DRC11: variants seen among roughly 807,000 people sequenced by gnomAD.
DRC11 encodes the protein IQ and AAA domain-containing protein 1.
the DRC11 span, among the ~76,000 whole-genome samples, chr2:236,382,013 T>C: frequency 6.6e-6 from 1 of 152,218 alleles, no homozygotes; most frequent in Non-Finnish European, 1.5e-5. Context: ...AAAAATTGTG[T>C]TTTGGATGCT....
At chr2:236,489,787 T>C in the DRC11 span, among the ~76,000 whole-genome samples, 1 of 152,046 alleles carries the variant, frequency 6.6e-6, no homozygotes, top group African/African-American at 2.4e-5. Context: ...TAGTGGAGTG[T>C]TGTGGGACAC....
chr2:236,360,433 T>C, the DRC11 span, among the ~76,000 whole-genome samples: 1 of 152,224 alleles, frequency 6.6e-6, no homozygotes, highest in Non-Finnish European at 1.5e-5. The surrounding 1 kb of genome is among the most constrained non-coding windows in gnomAD (Gnocchi z 5.8). Context: ...AACACTAATA[T>C]TTTTATATTT....
the DRC11 span, chr2:236,333,248 A>G: frequency 6.6e-6 from 1 of 151,212 alleles, no homozygotes; most frequent in Admixed American, 6.6e-5. The surrounding 1 kb of genome is among the most constrained non-coding windows in gnomAD (Gnocchi z 6.0). Context: ...TTAAAACATC[A>G]ATTACAAAAG....
chr2:236,493,856 A>G, the DRC11 span: 13 of 1,607,368 alleles, frequency 8.1e-6, no homozygotes, highest in Non-Finnish European at 1.0e-5. Context: ...CTCCTTCAAA[A>G]AATACTTGGG....
At chr2:236,394,336 A>C in the DRC11 span, among the ~76,000 whole-genome samples, 2 of 152,176 alleles carry the variant, frequency 1.3e-5, no homozygotes, top group Non-Finnish European at 2.9e-5. This position sits in a 1 kb window ranked among gnomAD's most constrained non-coding sequence, Gnocchi z 7.0. Context: ...TCCAGTTTTC[A>C]AAAAGAGTGG....
the DRC11 span, among the ~76,000 whole-genome samples, chr2:236,426,055 A>G: frequency 1.3e-5 from 2 of 152,062 alleles, no homozygotes; most frequent in South Asian, 4.2e-4. This position sits in a 1 kb window ranked among gnomAD's most constrained non-coding sequence, Gnocchi z 4.1. Flanking sequence ...ATATTTGGAA[A>G]TCAGGAAGTG....
chr2:236,356,951 AT>A, the DRC11 span, among the ~76,000 whole-genome samples: 2 of 129,848 alleles, frequency 1.5e-5, no homozygotes, highest in Non-Finnish European at 3.1e-5. Context: ...ATATATTCAT[AT>A]ATCATAAATA....
chr2:236,488,476 A>G, the DRC11 span, among the ~76,000 whole-genome samples: 1 of 152,210 alleles, frequency 6.6e-6, no homozygotes, highest in Non-Finnish European at 1.5e-5. Context: ...TTGGCAGCAA[A>G]TTATACTAAA....
At chr2:236,445,227 ATTTCTAACGTGGAATTCTTAATT>A in the DRC11 span, among the ~76,000 whole-genome samples, 1 of 152,136 alleles carries the variant, frequency 6.6e-6, no homozygotes, top group East Asian at 1.9e-4. The surrounding 1 kb of genome is among the most constrained non-coding windows in gnomAD (Gnocchi z 4.8). Context: ...TACATACATC[ATTTCTAACGTGGAATTCTTAATT>A]ATGGAACACA....
the DRC11 span, among the ~76,000 whole-genome samples, chr2:236,329,773 G>T: frequency 1.3e-5 from 2 of 152,226 alleles, no homozygotes; most frequent in Non-Finnish European, 2.9e-5. Flanking sequence ...GGTGGAAAGG[G>T]TAATGATGGC....
chr2:236,358,122 GAATA>G, the DRC11 span, among the ~76,000 whole-genome samples: 1 of 115,286 alleles, frequency 8.7e-6, no homozygotes, highest in Non-Finnish European at 1.6e-5. Context: ...TACACTATAT[GAATA>G]TATATTTATA....
the DRC11 span, among the ~76,000 whole-genome samples, chr2:236,435,089 C>T: frequency 2.6e-5 from 4 of 152,148 alleles, no homozygotes; most frequent in African/African-American, 9.7e-5. Context: ...AAGAGCAATT[C>T]CTGTGTGCTT....
At chr2:236,459,554 T>TATAC in the DRC11 span, among the ~76,000 whole-genome samples, 1 of 116,836 alleles carries the variant, frequency 8.6e-6, no homozygotes, top group Non-Finnish European at 1.8e-5. Flanking sequence ...TACGTATACA[T>TATAC]GTATACGTAT....
chr2:236,342,275 C>A, the DRC11 span, among the ~76,000 whole-genome samples: 1 of 152,152 alleles, frequency 6.6e-6, no homozygotes. The surrounding 1 kb of genome is among the most constrained non-coding windows in gnomAD (Gnocchi z 5.8). Flanking sequence ...ATCAGGGCAG[C>A]CTTTGGGACA....
the DRC11 span, chr2:236,412,783 T>C: frequency 4.6e-5 from 7 of 152,256 alleles, no homozygotes; most frequent in Non-Finnish European, 1.0e-4. Flanking sequence ...TGAGCATTTA[T>C]TCATGTCTTC....
At chr2:236,485,370 G>A in the DRC11 span, among the ~76,000 whole-genome samples, 1 of 151,974 alleles carries the variant, frequency 6.6e-6, no homozygotes, top group Non-Finnish European at 1.5e-5. Flanking sequence ...GGCTCTGTAT[G>A]TTATTAGCGT....
At chr2:236,478,346 T>C in the DRC11 span, among the ~76,000 whole-genome samples, 9 of 152,222 alleles carry the variant, frequency 5.9e-5, no homozygotes, top group Admixed American at 5.9e-4. This position sits in a 1 kb window ranked among gnomAD's most constrained non-coding sequence, Gnocchi z 5.9. Context: ...CATGTTTGTA[T>C]AATTTCCAAG....
chr2:236,419,010 T>C, the DRC11 span: 1 of 1,318,572 alleles, frequency 7.6e-7, no homozygotes, highest in South Asian at 1.9e-5. This position sits in a 1 kb window ranked among gnomAD's most constrained non-coding sequence, Gnocchi z 4.8. Flanking sequence ...TGAAAACCTG[T>C]TGGTAGATAA....
the DRC11 span, among the ~76,000 whole-genome samples, chr2:236,436,424 T>G: frequency 6.6e-6 from 1 of 152,142 alleles, no homozygotes; most frequent in South Asian, 2.1e-4. Flanking sequence ...TTTATGAAAT[T>G]TTTCTCCAAT....
Sources: gnomAD v4.1 joint callset for allele counts (sites outside exome capture counted in the v4.1 genomes callset) on GRCh38, gnomAD v4.1.1 for gene constraint, Gnocchi (gnomAD v3.1) non-coding constraint, MANE v1.5 for transcripts, NCBI Gene and HGNC (gene_info 2026-07-23, HGNC 2026-07-21) for gene names.